Variants in AVEN observed in about 807,000 individuals in gnomAD.
AVEN encodes the protein cell death regulator Aven.
A neutral mutation model predicts 38.1 loss-of-function variants in AVEN; 41 were observed. That is an observed-to-expected ratio of 1.08 (90% CI 0.84 to 1.40). AVEN has a LOEUF of 1.40. AVEN is among the 40% of genes most tolerant of loss of function. The pLI is 0.00. For missense variants in AVEN, 605 were observed against 438.8 expected (o/e 1.38, Z -3.38); for synonymous variants, 206 against 171.8 (o/e 1.20, Z -1.56).
At chr15:33,956,173 A>G (rs1460982995) in intron 2 of AVEN, among the ~76,000 whole-genome samples, 2 of 152,122 alleles carry the variant, frequency 1.3e-5, no homozygotes, top group Non-Finnish European at 2.9e-5. Context: ...CCATGACACT[A>G]GAGCGCCAGC....
chr15:34,021,765 G>C (rs1420072915), intron 1 of AVEN, among the ~76,000 whole-genome samples: 1 of 152,096 alleles, frequency 6.6e-6, no homozygotes, highest in Non-Finnish European at 1.5e-5. Context: ...TGAGGCAGGA[G>C]AATCACTTGA....
intron 2 of AVEN, among the ~76,000 whole-genome samples, chr15:33,955,030 A>G (rs1245992063): frequency 1.3e-5 from 2 of 152,220 alleles, no homozygotes; most frequent in Non-Finnish European, 2.9e-5. Context: ...AATTCAATAT[A>G]AAATAAGCTT....
At chr15:33,962,091 G>A (rs1000867458) in intron 2 of AVEN, among the ~76,000 whole-genome samples, 9 of 151,896 alleles carry the variant, frequency 5.9e-5, no homozygotes, top group African/African-American at 9.7e-5. Flanking sequence ...ATACTTGCAC[G>A]GAGAGAAGTT....
chr15:33,952,370 C>T (rs1454216247), intron 2 of AVEN, among the ~76,000 whole-genome samples: 2 of 152,144 alleles, frequency 1.3e-5, no homozygotes, highest in Non-Finnish European at 2.9e-5. Flanking sequence ...TAAATCTATC[C>T]TACTTTATCT....
chr15:34,014,537 A>G (rs1463623940), intron 1 of AVEN, among the ~76,000 whole-genome samples: 1 of 152,148 alleles, frequency 6.6e-6, no homozygotes, highest in Non-Finnish European at 1.5e-5. Context: ...GTGACAAAGT[A>G]TCTCCACAAA....
Position 33,885,196 on chromosome 15 carries a change from A to G in AVEN, c.446-9201T>C, listed in dbSNP as rs1050287315. Among the ~76,000 whole-genome samples, 11 of 152,186 alleles carry G rather than the reference A, an allele frequency of 7.2e-5. No individual in the cohort carries two copies. In the South Asian group the frequency reaches 2.1e-3, roughly 29 times the overall value. On this transcript the variant is annotated intron_variant, in intron 2 of 5. Transcript: ENST00000306730. ...GACCCCAATCTTCACAGAGGAGGAG[A>G]GAATGTCCAATAGTCACCGCAATGG...
intron 1 of AVEN, among the ~76,000 whole-genome samples, chr15:34,006,497 A>G (rs1377784193): frequency 6.6e-6 from 1 of 152,220 alleles, no homozygotes; most frequent in African/African-American, 2.4e-5. Flanking sequence ...GCTGTAACAC[A>G]TGGCAAAAAT....
intron 2 of AVEN, among the ~76,000 whole-genome samples, chr15:33,880,185 G>A (rs189432869): frequency 2.0e-4 from 31 of 152,110 alleles, no homozygotes; most frequent in African/African-American, 6.3e-4. Context: ...GGAACCAGGC[G>A]CCCCTACCCA....
At chr15:33,867,439 T>C in intron 5 of AVEN, 56 bp downstream of exon 5, 2 of 1,532,558 alleles carry the variant, frequency 1.3e-6, no homozygotes, top group South Asian at 1.3e-5. Context: ...CGGGCGGGGC[T>C]GTTCTTGAAA....
intron 5 of AVEN, among the ~76,000 whole-genome samples, chr15:34,060,818 C>T (rs898598263): frequency 5.9e-5 from 9 of 152,014 alleles, no homozygotes; most frequent in Non-Finnish European, 8.8e-5. Flanking sequence ...TGCAGTGAGC[C>T]GAGATGGTGC....
At chr15:33,853,614 G>C in the AVEN span, 1 of 1,613,938 alleles carries the variant, frequency 6.2e-7, no homozygotes, top group Non-Finnish European at 8.5e-7. Flanking sequence ...TTCTGGGTTT[G>C]GACAAAAATG....
Position 34,063,278 on chromosome 15 carries a change from T to C in AVEN, n.1281A>G, listed in dbSNP as rs2140847555. 1.2e-6 allele frequency: 2 copies of C among 1,614,144 alleles called. No homozygotes were observed. The highest frequency in any genetic ancestry group is 1.1e-5 in the South Asian group (1 of 91,076). On this transcript the variant is annotated non_coding_transcript_exon_variant, in exon 5 of 12. Coordinates refer to the AVEN transcript ENST00000675287. The surrounding 1 kb of genome is among the most constrained non-coding windows in gnomAD (Gnocchi z 4.1). The stretch of plus-strand genomic sequence containing the variant: ...CACTGGATGAGTGCCAGATCCAGTT[T>C]CTCTCTGAGCCCACCATCACTTTTG...
At chr15:34,021,535 C>T (rs1218010594) in intron 1 of AVEN, among the ~76,000 whole-genome samples, 1 of 152,096 alleles carries the variant, frequency 6.6e-6, no homozygotes, top group African/African-American at 2.4e-5. Context: ...GCCACCGCGC[C>T]TGGCTTATTT....
chr15:33,978,500 C>G (rs1286184065), intron 2 of AVEN, among the ~76,000 whole-genome samples: 1 of 151,992 alleles, frequency 6.6e-6, no homozygotes, highest in Non-Finnish European at 1.5e-5. Flanking sequence ...CCTGTCTCTA[C>G]TAAAAATACA....
At chr15:34,026,398 A>G (rs1898473211) in intron 1 of AVEN, among the ~76,000 whole-genome samples, 1 of 152,146 alleles carries the variant, frequency 6.6e-6, no homozygotes, top group Non-Finnish European at 1.5e-5. Context: ...TTAACCTTTT[A>G]TATTAAAGGG....
the AVEN span, chr15:33,852,614 C>A: frequency 6.2e-6 from 1 of 162,340 alleles, no homozygotes; most frequent in East Asian, 1.8e-4. Context: ...CTTTCTACCA[C>A]ACCCCACATC....
chr15:34,041,436 T>C (rs1051346368), upstream of AVEN, among the ~76,000 whole-genome samples: 42 of 152,200 alleles, frequency 2.8e-4, no homozygotes. Context: ...ACATCTCCAA[T>C]GTAGTGAGAG....
At chr15:33,931,878 CA>C (rs1354537206) in intron 2 of AVEN, among the ~76,000 whole-genome samples, 8 of 152,252 alleles carry the variant, frequency 5.3e-5, no homozygotes, top group African/African-American at 1.9e-4. Context: ...GCTCATCAGT[CA>C]AAACCATCCC....
intron 2 of AVEN, among the ~76,000 whole-genome samples, chr15:33,915,754 T>C (rs1001563915): frequency 3.9e-5 from 6 of 152,152 alleles, no homozygotes; most frequent in African/African-American, 1.4e-4. Context: ...GAAAGCCCTG[T>C]TTGGTTTCTC....
Sources: allele counts gnomAD v4.1 joint callset (sites outside exome capture counted in the v4.1 genomes callset), GRCh38; gene constraint gnomAD v4.1.1; non-coding constraint Gnocchi (gnomAD v3.1); transcripts MANE v1.5; gene names NCBI Gene and HGNC (gene_info 2026-07-23, HGNC 2026-07-21).